COL5A2: variants seen among roughly 807,000 people sequenced by gnomAD.
The protein encoded by COL5A2 is collagen alpha-2(V) chain.
In COL5A2, 23 loss-of-function variants were observed where a neutral mutation model predicts 208.2. That is an observed-to-expected ratio of 0.11 (90% CI 0.08 to 0.16). The LOEUF is 0.16. Ranked by LOEUF, COL5A2 falls within the 10% of genes least tolerant of loss-of-function variation. The probability of loss-of-function intolerance (pLI) is 1.00; values close to 1 mark genes in which losing one functional copy is unlikely to be tolerated. For synonymous variants in COL5A2, 625 were observed against 628.5 expected (o/e 0.99, Z 0.08); for missense variants, 1,590 against 1,956.4 (o/e 0.81, Z 3.53).
chr2:189,286,561 T>C, the COL5A2 span, among the ~76,000 whole-genome samples: 2 of 151,984 alleles, frequency 1.3e-5, no homozygotes, highest in Non-Finnish European at 1.5e-5. Context: ...CAGACTTGAG[T>C]ACAGACAGAA....
chr2:189,191,611 T>G (rs1688931628), intron 1 of COL5A2, among the ~76,000 whole-genome samples: 1 of 151,938 alleles, frequency 6.6e-6, no homozygotes, highest in African/African-American at 2.4e-5. Flanking sequence ...GAGCCAAGAT[T>G]GCGCTCCAGC....
In COL5A2 at chr2:189,060,587, G is replaced by C. The variant is rs6414121; in HGVS notation, c.2085+143C>G. On this transcript the variant is annotated intron_variant, in intron 31 of 53. Coordinates refer to ENST00000374866, the MANE Select transcript of COL5A2 (RefSeq NM_000393.5). ...TCCTCATCTACAAAATGGAGATAAT[G>C]ATAGTACCTAGTACATAGGGCTGCT... The C allele has an allele frequency of 0.75, 525,759 of 699,300 alleles. 200,742 individuals carry two copies. The highest frequency in any genetic ancestry group is 0.81 in the Non-Finnish European group (315,702 of 390,606). The allele number at this position is 699,300 out of a possible 1,614,324, so 43.3% of individuals were successfully genotyped here.
At chr2:189,059,616 C>T (rs1265162402) in intron 31 of COL5A2, among the ~76,000 whole-genome samples, 3 of 7,240 alleles carry the variant, frequency 4.1e-4, no homozygotes, top group South Asian at 5.5e-3. Context: ...TTTTTTGAGA[C>T]GTTGTCTCGC....
At chr2:189,061,759 T>C in intron 29 of COL5A2, 144 bp from the exon 30 acceptor site, 2 of 687,460 alleles carry the variant, frequency 2.9e-6, no homozygotes, top group Non-Finnish European at 5.2e-6. Flanking sequence ...TAAACTAGTA[T>C]TAATAGTAAC....
chr2:189,416,954 A>T, the COL5A2 span, among the ~76,000 whole-genome samples: 1 of 151,418 alleles, frequency 6.6e-6, no homozygotes. Flanking sequence ...CTGCTTAAAC[A>T]TTTTTTTTCT....
At chr2:189,148,695 T>C (rs930590895) in intron 1 of COL5A2, among the ~76,000 whole-genome samples, 2 of 152,210 alleles carry the variant, frequency 1.3e-5, no homozygotes, top group Non-Finnish European at 2.9e-5. Flanking sequence ...TCTAGAATCA[T>C]AGATTTAGGT....
rs200904149 is a variant in COL5A2, at chr2:189,063,963, C to A, written c.1770+17G>T. 6.2e-7 allele frequency: 1 copy of A among 1,601,982 alleles called. No individual in the cohort carries two copies. Among genetic ancestry groups the A allele is most frequent in the East Asian group, 2.2e-5 (1 of 44,676 alleles). On this transcript the variant is annotated intron_variant, in intron 26 of 53. Transcript: ENST00000374866. ...GAAAAATATTAGTGGTTGTGGACTTCTGTTTAAATTACTTACCAAAGGTCC... is the reference window on the plus strand; with the variant it reads ...GAAAAATATTAGTGGTTGTGGACTTATGTTTAAATTACTTACCAAAGGTCC...
chr2:189,049,343 T>A lies in COL5A2; in HGVS notation c.3147+4A>T. ...AGAAGAGTTATTTTCACTGTAGTACTCACTTCTGGTCCAGGTTCCCCTACA... is the reference window on the plus strand; with the variant it reads ...AGAAGAGTTATTTTCACTGTAGTACACACTTCTGGTCCAGGTTCCCCTACA... On this transcript the variant is annotated splice_donor_region_variant and intron_variant, in intron 44 of 53. Coordinates refer to ENST00000374866, the MANE Select transcript of COL5A2 (RefSeq NM_000393.5). The A allele has an allele frequency of 6.3e-7, 1 of 1,594,348 alleles. No homozygotes were observed.
At chr2:189,180,781 T>A (rs1050301392), upstream of COL5A2, among the ~76,000 whole-genome samples, 1 of 152,196 alleles carries the variant, frequency 6.6e-6, no homozygotes, top group Non-Finnish European at 1.5e-5. Context: ...CAGTTGAACA[T>A]GCATTTTAAG....
At chr2:189,144,742 C>T (rs567089401) in intron 1 of COL5A2, among the ~76,000 whole-genome samples, 32 of 152,104 alleles carry the variant, frequency 2.1e-4, no homozygotes, top group African/African-American at 7.5e-4. Flanking sequence ...AACCAGTCAG[C>T]GTGAGTAGAA....
chr2:189,210,858 G>A (rs1689203965), intron 1 of COL5A2, among the ~76,000 whole-genome samples: 1 of 152,160 alleles, frequency 6.6e-6, no homozygotes, highest in South Asian at 2.1e-4. Context: ...TGAAGGGGTG[G>A]GACCGAAGGT....
chr2:189,297,776 T>G, the COL5A2 span, among the ~76,000 whole-genome samples: 37 of 152,324 alleles, frequency 2.4e-4, no homozygotes, highest in African/African-American at 8.4e-4. Flanking sequence ...TTATGCCATG[T>G]TATTTCTCCA....
the COL5A2 span, among the ~76,000 whole-genome samples, chr2:189,283,077 G>GT: frequency 6.6e-6 from 1 of 152,044 alleles, no homozygotes; most frequent in South Asian, 2.1e-4. Context: ...AACAAAATAG[G>GT]TAAGTATTTT....
At chr2:189,375,565 T>A in the COL5A2 span, among the ~76,000 whole-genome samples, 3 of 152,318 alleles carry the variant, frequency 2.0e-5, no homozygotes, top group African/African-American at 7.2e-5. Context: ...TCAGAGATAA[T>A]GTTATTTCTC....
intron 3 of COL5A2, among the ~76,000 whole-genome samples, chr2:189,100,731 A>G (rs1445469878): frequency 6.6e-6 from 1 of 152,030 alleles, no homozygotes; most frequent in African/African-American, 2.4e-5. Context: ...CAATACCTGA[A>G]GAAAATCTAG....
the COL5A2 span, among the ~76,000 whole-genome samples, chr2:189,301,770 C>A: frequency 6.6e-6 from 1 of 152,132 alleles, no homozygotes; most frequent in Non-Finnish European, 1.5e-5. Flanking sequence ...TTGACATATT[C>A]ATAAAATATT....
chr2:189,388,869 T>C, the COL5A2 span, among the ~76,000 whole-genome samples: 1 of 152,274 alleles, frequency 6.6e-6, no homozygotes, highest in East Asian at 1.9e-4. Context: ...GCACATTTTA[T>C]GTTCTAGGCA....
intron 1 of COL5A2, among the ~76,000 whole-genome samples, chr2:189,155,276 T>C (rs1688222793): frequency 6.6e-6 from 1 of 152,196 alleles, no homozygotes; most frequent in Non-Finnish European, 1.5e-5. Flanking sequence ...GCATGAGCCA[T>C]TGCACTAGGC....
the COL5A2 span, among the ~76,000 whole-genome samples, chr2:189,440,345 A>G: frequency 6.6e-6 from 1 of 152,244 alleles, no homozygotes; most frequent in African/African-American, 2.4e-5. Flanking sequence ...TACCTACACA[A>G]ACCTAGATGG....
Sources: allele counts gnomAD v4.1 joint callset (sites outside exome capture counted in the v4.1 genomes callset), GRCh38; gene constraint gnomAD v4.1.1; transcripts MANE v1.5; gene names NCBI Gene and HGNC (gene_info 2026-07-23, HGNC 2026-07-21).